The following NFATC1 variants were observed in gnomAD, a reference collection of about 807,000 sequenced individuals.
The protein encoded by NFATC1 is nuclear factor of activated T cells 1.
Under a neutral mutation model 76.0 loss-of-function variants are expected in NFATC1, and 22 were observed. The ratio of observed to expected loss-of-function variants is 0.29; its 90% CI spans 0.21 to 0.41. NFATC1 has a LOEUF of 0.41. Ranked by LOEUF, NFATC1 falls within the 10% of genes least tolerant of loss-of-function variation. The pLI is 1.00. For synonymous variants in NFATC1, 704 were observed against 613.1 expected (o/e 1.15, Z -2.19); for missense variants, 1,357 against 1,337.7 (o/e 1.01, Z -0.23).
At chr18:79,461,934 A>C (rs1021558162) in intron 7 of NFATC1, among the ~76,000 whole-genome samples, 2 of 152,106 alleles carry the variant, frequency 1.3e-5, no homozygotes, top group African/African-American at 4.8e-5. Context: ...TGGCTCCTGG[A>C]CTCGCGATTG....
At chr18:79,508,811 C>T (rs1444787422) in intron 9 of NFATC1, among the ~76,000 whole-genome samples, 1 of 151,868 alleles carries the variant, frequency 6.6e-6, no homozygotes, top group Non-Finnish European at 1.5e-5. Flanking sequence ...CCATCTCTCT[C>T]TCTCTCCATC....
chr18:79,458,120 TG>T (rs1190113065), intron 6 of NFATC1, among the ~76,000 whole-genome samples: 2 of 152,158 alleles, frequency 1.3e-5, no homozygotes, highest in Non-Finnish European at 2.9e-5. Flanking sequence ...GGTCACAGGG[TG>T]GCTCCGTGTG....
At chr18:79,428,586 A>G (rs2086479790) in intron 2 of NFATC1, among the ~76,000 whole-genome samples, 1 of 152,258 alleles carries the variant, frequency 6.6e-6, no homozygotes, top group African/African-American at 2.4e-5. Flanking sequence ...GGAACAGCCC[A>G]CAGCCCAGCA....
At chr18:79,400,583 C>T in intron 1 of NFATC1, 1 of 1,047,306 alleles carries the variant, frequency 9.5e-7, no homozygotes. Flanking sequence ...CCCCAGGAGT[C>T]CCCGGCGCGC....
rs1207925375 is a variant in NFATC1, at chr18:79,411,488, A to G, written c.1213A>G (p.Thr405Ala). The change falls in exon 2 of 10, where the codon ACG becomes GCG. Residue 405 changes from threonine (T) to alanine (A), a missense_variant. By Grantham distance (58) the Thr-to-Ala change is moderately conservative. This residue lies in a region of NFATC1 where 691 missense variants were observed against 613.1 expected (regional missense o/e 1.13). Transcript: ENST00000427363. ...QWAKPKPLSP[T>A]SYMSPTLPAL... Reference sequence around the variant, plus strand: ...GGCGAAGCCCAAGCCCCTGTCCCCTACGTCCTACATGAGGTGAGCCGGCAG... The same window carrying G: ...GGCGAAGCCCAAGCCCCTGTCCCCTGCGTCCTACATGAGGTGAGCCGGCAG... 2.0e-6 allele frequency: 3 copies of G among 1,504,296 alleles called. No homozygotes were observed. The highest frequency in any genetic ancestry group is 1.8e-4 in the Middle Eastern group (1 of 5,566). 93.2% of individuals were successfully genotyped at this position (1,504,296 alleles called of 1,614,324 possible).
At chr18:79,522,236 G>T in intron 9 of NFATC1, among the ~76,000 whole-genome samples, 1 of 122,080 alleles carries the variant, frequency 8.2e-6, no homozygotes, top group Non-Finnish European at 1.7e-5. Flanking sequence ...GGGTGTAGGG[G>T]GGGTGGCATC....
chr18:79,441,986 C>T (rs533206424), intron 3 of NFATC1, among the ~76,000 whole-genome samples: 8 of 152,186 alleles, frequency 5.3e-5, no homozygotes, highest in Non-Finnish European at 1.0e-4. Context: ...GGGGCCCCTG[C>T]ACCCTCCACG....
rs559831431 is a variant in NFATC1 at position 79,490,580 on chromosome 18, A to AC, written c.2782+3644dup. On this transcript the variant is annotated intron_variant, in intron 9 of 9. Coordinates refer to ENST00000427363, the MANE Select transcript of NFATC1 (RefSeq NM_001278669.2). Reference sequence around the variant, plus strand: ...CTGGGGGCAGGTCCACCCACTCTAGACACCTGTTCCTCCCTGTGAGAAAAG... The same window carrying AC: ...CTGGGGGCAGGTCCACCCACTCTAGACCACCTGTTCCTCCCTGTGAGAAAAG... Among the ~76,000 whole-genome samples, 733 of 152,266 alleles carry AC rather than the reference A, an allele frequency of 4.8e-3. 6 individuals carry two copies. Among genetic ancestry groups the AC allele is most frequent in the African/African-American group, 0.017 (697 of 41,552 alleles).
chr18:79,399,638 A>C (rs2148122862), intron 1 of NFATC1, among the ~76,000 whole-genome samples: 1 of 152,320 alleles, frequency 6.6e-6, no homozygotes, highest in East Asian at 1.9e-4. Context: ...GCCCCGCTCA[A>C]GGAGGTCATC....
intron 9 of NFATC1, among the ~76,000 whole-genome samples, chr18:79,517,260 T>C (rs1227692804): frequency 1.3e-5 from 2 of 152,274 alleles, no homozygotes; most frequent in East Asian, 3.8e-4. Context: ...GTGTATTTTC[T>C]GGGAAGGTTA....
At chr18:79,464,713 T>TATTTATTTATTTATTTATTTA (rs1339032166) in intron 7 of NFATC1, among the ~76,000 whole-genome samples, 8 of 134,016 alleles carry the variant, frequency 6.0e-5, no homozygotes, top group African/African-American at 2.2e-4. Context: ...TTTATTTATT[T>TATTTATTTATTTATTTATTTA]TTTTTTTTTT....
chr18:79,485,123 G>A (rs981313648), intron 8 of NFATC1, among the ~76,000 whole-genome samples: 4 of 152,200 alleles, frequency 2.6e-5, no homozygotes, highest in Non-Finnish European at 5.9e-5. Context: ...CTGGCTTTGG[G>A]GGCCACACAT....
chr18:79,422,690 C>T (rs369324604), intron 2 of NFATC1: 15 of 152,370 alleles, frequency 9.8e-5, no homozygotes, highest in African/African-American at 2.9e-4. Flanking sequence ...CAGGGAGGCC[C>T]GGTTCCCACT....
intron 9 of NFATC1, among the ~76,000 whole-genome samples, chr18:79,515,008 C>T (rs1478769892): frequency 2.0e-5 from 3 of 151,884 alleles, no homozygotes; most frequent in East Asian, 3.9e-4. Flanking sequence ...CATTCCACTG[C>T]ACACCAGCCT....
chr18:79,489,607 G>A (rs755298409), intron 9 of NFATC1, among the ~76,000 whole-genome samples: 3 of 152,214 alleles, frequency 2.0e-5, no homozygotes, highest in South Asian at 2.1e-4. Context: ...CTCAGTTGCC[G>A]TGGTGATCCT....
In NFATC1 at chr18:79,505,871, GCT is replaced by G. The variant is rs1471263298; in HGVS notation, c.2782+18935_2782+18936del. On this transcript the variant is annotated intron_variant, in intron 9 of 9. Coordinates refer to ENST00000427363, the MANE Select transcript of NFATC1 (RefSeq NM_001278669.2). ...AGACTGCTGCGTGGGAGGAGGTGGT[GCT>G]GGAGGCCCTTGGATGAGGGAAGAGG... Among the ~76,000 whole-genome samples the G allele has an allele frequency of 3.6e-3, 524 of 144,686 alleles. 5 individuals are homozygous for G. Among genetic ancestry groups the G allele is most frequent in the African/African-American group, 0.013 (504 of 38,932 alleles). The allele number at this position is 144,686 out of a possible 152,430, so 94.9% of individuals were successfully genotyped here. A position where few individuals can be genotyped will look rare whatever the true frequency, so the allele number is the denominator to read the frequency against.
At chr18:79,399,568 C>G (rs1174717440) in intron 1 of NFATC1, among the ~76,000 whole-genome samples, 7 of 152,260 alleles carry the variant, frequency 4.6e-5, no homozygotes, top group African/African-American at 1.7e-4. Context: ...GCCCGGCTTT[C>G]CGGATCCCCG....
chr18:79,505,948 G>A (rs2090113056), intron 9 of NFATC1, among the ~76,000 whole-genome samples: 1 of 152,158 alleles, frequency 6.6e-6, no homozygotes, highest in African/African-American at 2.4e-5. Context: ...CTTGGGTGAT[G>A]GAAGTGTTCT....
chr18:79,474,427 T>C (rs1438042699), intron 8 of NFATC1, among the ~76,000 whole-genome samples: 18 of 131,892 alleles, frequency 1.4e-4, no homozygotes, highest in Non-Finnish European at 2.5e-4. Flanking sequence ...CTGTCAACTT[T>C]GCAAGGGAAG....
Sources: gnomAD v4.1 joint callset for allele counts (sites outside exome capture counted in the v4.1 genomes callset) on GRCh38, gnomAD v4.1.1 for gene constraint, gnomAD v4.1.1 regional missense constraint, MANE v1.5 for transcripts, NCBI Gene and HGNC (gene_info 2026-07-23, HGNC 2026-07-21) for gene names.